The following MTAP variants were observed in gnomAD, a reference collection of about 807,000 sequenced individuals.
MTAP encodes the protein methylthioadenosine phosphorylase, also known as S-methyl-5'-thioadenosine phosphorylase.
In MTAP, 33 loss-of-function variants were observed where a neutral mutation model predicts 33.6. The ratio of observed to expected loss-of-function variants is 0.98; its 90% CI spans 0.74 to 1.31. MTAP has a LOEUF of 1.31. Among genes scored for constraint, MTAP ranks in the 40% most tolerant of loss-of-function variants. The pLI, the probability that MTAP is intolerant of heterozygous loss-of-function variation, is 0.00. For missense variants in MTAP, 367 were observed against 360.0 expected (o/e 1.02, Z -0.16); for synonymous variants, 148 against 125.7 (o/e 1.18, Z -1.19).
At chr9:21,810,811 C>T (rs1257819131) in intron 1 of MTAP, among the ~76,000 whole-genome samples, 2 of 152,164 alleles carry the variant, frequency 1.3e-5, no homozygotes, top group Non-Finnish European at 2.9e-5. Context: ...TAACCATTAC[C>T]TACAAGGGTG....
intron 5 of MTAP, among the ~76,000 whole-genome samples, chr9:21,848,407 G>A (rs1825432591): frequency 8.2e-6 from 1 of 122,684 alleles, no homozygotes. Flanking sequence ...AATGGAGTTG[G>A]ATCAGGCTGA....
chr9:21,930,011 C>T (rs1342976598), intron 1 of MTAP: 1 of 419,340 alleles, frequency 2.4e-6, no homozygotes, highest in Non-Finnish European at 4.7e-6. Context: ...GGCAACTTTG[C>T]TAATTAAGTC....
chr9:21,861,704 T>C, intron 7 of MTAP: 2 of 447,920 alleles, frequency 4.5e-6, no homozygotes, highest in South Asian at 6.1e-5. Context: ...TGGGGGCTGG[T>C]ATGGCAATAA....
At chr9:21,914,730 A>T (rs1286252161) in intron 1 of MTAP, among the ~76,000 whole-genome samples, 3 of 151,952 alleles carry the variant, frequency 2.0e-5, no homozygotes, top group East Asian at 3.9e-4. Context: ...ATGTACACAT[A>T]TGTAACAAAC....
chr9:21,823,224 C>T (rs570619568), intron 4 of MTAP, among the ~76,000 whole-genome samples: 11 of 152,244 alleles, frequency 7.2e-5, no homozygotes, highest in South Asian at 4.2e-4. Flanking sequence ...TTCCTAGCAT[C>T]GATGGTCTTT....
intron 4 of MTAP, among the ~76,000 whole-genome samples, chr9:21,827,539 T>A (rs1824853513): frequency 6.6e-6 from 1 of 152,196 alleles, no homozygotes; most frequent in Admixed American, 6.5e-5. Flanking sequence ...AATAATGGGG[T>A]TAGACTAAAA....
Position 21,915,005 on chromosome 9 carries a change from TTCCTTCCTTCCTTCCTTCC to T in MTAP, c.148-16001_148-15983del, listed in dbSNP as rs1563869301. ...CATATCAATACTTTGTTTTCTTTCC[TTCCTTCCTTCCTTCCTTCC>T]TTCCTTCCTTCCTTCCTTCCTTCCT... On this transcript the variant is annotated intron_variant, in intron 1 of 1. Transcript: ENST00000577563. Among the ~76,000 whole-genome samples, 27 of 12,430 alleles carry T rather than the reference TTCCTTCCTTCCTTCCTTCC, an allele frequency of 2.2e-3. 1 individual carries two copies. Among genetic ancestry groups the T allele is most frequent in the African/African-American group, 8.8e-3 (26 of 2,950 alleles). 8.2% of individuals were successfully genotyped at this position (12,430 alleles called of 152,430 possible). A position where few individuals can be genotyped will look rare whatever the true frequency, so the allele number is the denominator to read the frequency against.
intron 3 of MTAP, among the ~76,000 whole-genome samples, chr9:21,817,124 T>C (rs1177472467): frequency 6.6e-6 from 1 of 152,170 alleles, no homozygotes; most frequent in Non-Finnish European, 1.5e-5. Flanking sequence ...GTAGTAGTTA[T>C]ATGTCTGTGG....
At chr9:21,910,426 G>A (rs985177173) in intron 1 of MTAP, among the ~76,000 whole-genome samples, 1 of 152,132 alleles carries the variant, frequency 6.6e-6, no homozygotes, top group Non-Finnish European at 1.5e-5. Context: ...ATTAAATGGG[G>A]TGGTCACTAT....
At chr9:21,807,850 T>C (rs1563828028) in intron 1 of MTAP, among the ~76,000 whole-genome samples, 1 of 152,256 alleles carries the variant, frequency 6.6e-6, no homozygotes. Flanking sequence ...TTTCATTTTA[T>C]TCTCTTGATA....
intron 1 of MTAP, among the ~76,000 whole-genome samples, chr9:21,898,565 G>A (rs1818336639): frequency 6.6e-6 from 1 of 152,094 alleles, no homozygotes; most frequent in South Asian, 2.1e-4. Context: ...ATCAAAAATT[G>A]GGCAAAGGAT....
At chr9:21,895,707 C>A (rs1278491386) in intron 1 of MTAP, among the ~76,000 whole-genome samples, 1 of 152,254 alleles carries the variant, frequency 6.6e-6, no homozygotes, top group African/African-American at 2.4e-5. Context: ...GAGCCTCGCT[C>A]ACTGCTAGCA....
In MTAP at chr9:21,859,372, A is replaced by G; in HGVS notation, c.760A>G (p.Thr254Ala). 4 of 1,613,624 alleles carry G rather than the reference A, an allele frequency of 2.5e-6. No individual in the cohort carries two copies. The highest frequency in any genetic ancestry group is 3.4e-6 in the Non-Finnish European group (4 of 1,179,778). The change falls in exon 7 of 8, where the codon ACC becomes GCC. Residue 254 changes from threonine to alanine, a missense_variant. Transcript: ENST00000644715. ...ANKAKSLLLTTIPQIGSTEWS... is the reference protein window; with the variant it reads ...ANKAKSLLLTAIPQIGSTEWS... ...TAAAGCCAAAAGCTTACTGCTCACT[A>G]CCATACCTCAGATAGGGTCCACAGA...
In MTAP at chr9:21,859,317, G is replaced by T; in HGVS notation, c.705G>T (p.Arg235=). 6.2e-7 allele frequency: 1 copy of T among 1,610,778 alleles called. No homozygotes were observed. The highest frequency in any genetic ancestry group is 1.1e-5 in the South Asian group (1 of 90,420). The stretch of plus-strand genomic sequence containing the variant: ...TGTTTCTCTAGGTTTCGGTGGACCG[G>T]GTCTTAAAGACCCTGAAAGAAAACG... The part of the protein sequence containing the change: ...KEHEEAVSVD[R]VLKTLKENAN... Residue 235 remains arginine (R), a synonymous_variant, in exon 7 of 8, where the codon CGG becomes CGT. Transcript: ENST00000644715.
intron 1 of MTAP, chr9:21,812,240 G>T: frequency 4.4e-6 from 1 of 227,038 alleles, no homozygotes; most frequent in East Asian, 1.1e-4. Context: ...GCAGACAGAT[G>T]GTGACCCCAC....
intron 6 of MTAP, 132 bp downstream of exon 6, chr9:21,855,002 T>A (rs1825603857): frequency 4.1e-6 from 5 of 1,232,590 alleles, no homozygotes; most frequent in Non-Finnish European, 5.6e-6. Flanking sequence ...GTTAATATTT[T>A]CTGTAGTTCC....
At position 21,864,453 on chromosome 9, in the gene MTAP, T is replaced by C. The variant is rs1173647066; in HGVS notation, c.*2439T>C. On this transcript the variant is annotated 3_prime_UTR_variant, in exon 8 of 8. Coordinates refer to ENST00000644715, the MANE Select transcript of MTAP (RefSeq NM_002451.4). ...TGGATGGTGAGCATCATGGGAAAGC[T>C]GTAGTTTAGTGACTTAGCCCTTAGT... is the stretch of plus-strand genomic sequence containing the variant. The C allele has an allele frequency of 1.1e-5, 11 of 985,314 alleles. No individual in the cohort carries two copies. Among genetic ancestry groups the C allele is most frequent in the Middle Eastern group, 5.2e-4 (1 of 1,936 alleles). 61.0% of individuals were successfully genotyped at this position (985,314 alleles called of 1,614,324 possible). A position where few individuals can be genotyped will look rare whatever the true frequency, so the allele number is the denominator to read the frequency against.
At chr9:21,912,480 A>C (rs1018672022) in intron 1 of MTAP, among the ~76,000 whole-genome samples, 5 of 152,186 alleles carry the variant, frequency 3.3e-5, no homozygotes, top group Non-Finnish European at 5.9e-5. Flanking sequence ...GGTTCAACAT[A>C]CACAAATCAA....
chr9:21,901,278 T>A (rs1354638688), intron 1 of MTAP, among the ~76,000 whole-genome samples: 1 of 152,200 alleles, frequency 6.6e-6, no homozygotes, highest in Non-Finnish European at 1.5e-5. Context: ...TACAAAAATG[T>A]TAGTTCTCCT....
Sources: allele counts gnomAD v4.1 joint callset (sites outside exome capture counted in the v4.1 genomes callset), GRCh38; gene constraint gnomAD v4.1.1; transcripts MANE v1.5; gene names NCBI Gene and HGNC (gene_info 2026-07-23, HGNC 2026-07-21).